Variants in ENAH observed in about 807,000 individuals in gnomAD.
ENAH encodes the protein protein enabled homolog.
A neutral mutation model predicts 78.7 loss-of-function variants in ENAH; 23 were observed. The ratio of observed to expected loss-of-function variants is 0.29; its 90% CI spans 0.21 to 0.41. The LOEUF is 0.41. Ranked by LOEUF, ENAH falls within the 10% of genes least tolerant of loss-of-function variation. ENAH has a pLI of 1.00. For synonymous variants in ENAH, 226 were observed against 241.0 expected (o/e 0.94, Z 0.58); for missense variants, 544 against 691.0 (o/e 0.79, Z 2.39).
chr1:225,555,469 C>T (rs1342345332), intron 2 of ENAH, among the ~76,000 whole-genome samples: 3 of 151,800 alleles, frequency 2.0e-5, no homozygotes, highest in African/African-American at 7.3e-5. Context: ...GTAGTCCCAG[C>T]TACTCGGGAG....
At chr1:225,501,626 A>G (rs1424031176) in intron 11 of ENAH, among the ~76,000 whole-genome samples, 1 of 152,250 alleles carries the variant, frequency 6.6e-6, no homozygotes, top group Admixed American at 6.5e-5. Context: ...TTCAAGCATC[A>G]AAATAAAAAA....
intron 3 of ENAH, among the ~76,000 whole-genome samples, chr1:225,536,856 C>A (rs988869796): frequency 6.6e-6 from 1 of 151,846 alleles, no homozygotes; most frequent in Admixed American, 6.6e-5. Context: ...ACCACCCAAT[C>A]TATTAAAGTT....
chr1:225,491,485 A>AT lies in ENAH; in HGVS notation c.*6289_*6290insA, dbSNP rs1029241994. The AT allele has an allele frequency of 6.6e-6, 1 of 151,704 alleles. No individual in the cohort carries two copies. 9.4% of individuals were successfully genotyped at this position (151,704 alleles called of 1,614,324 possible). Reference sequence around the variant, plus strand: ...AAAATGCCTTTAATCTTTAAAAAAAAAAATAAAAGAAAAAGAAAAAAAGAA... The same window carrying AT: ...AAAATGCCTTTAATCTTTAAAAAAAATAAATAAAAGAAAAAGAAAAAAAGAA... On this transcript the variant is annotated 3_prime_UTR_variant, in exon 14 of 14. Coordinates refer to ENST00000366843, the MANE Select transcript of ENAH (RefSeq NM_018212.6).
intron 6 of ENAH, chr1:225,515,146 CTAAT>C (rs2096407786): frequency 2.3e-6 from 1 of 427,700 alleles, no homozygotes; most frequent in Admixed American, 4.4e-5. Flanking sequence ...AACAGATCAT[CTAAT>C]TAAGACTTTT....
chr1:225,590,143 T>A (rs1428562933), intron 1 of ENAH, among the ~76,000 whole-genome samples: 7 of 144,356 alleles, frequency 4.8e-5, no homozygotes, highest in African/African-American at 1.8e-4. Context: ...CACCAAGGTT[T>A]AAACACAGAT....
At chr1:225,652,649 A>G in intron 1 of ENAH, 37 bp downstream of exon 1, 1 of 1,265,960 alleles carries the variant, frequency 7.9e-7, no homozygotes, top group Non-Finnish European at 9.9e-7. Context: ...CCCGCGGCAC[A>G]ATGGCCCGCC....
At chr1:225,616,695 A>C (rs974806040) in intron 1 of ENAH, among the ~76,000 whole-genome samples, 9 of 152,220 alleles carry the variant, frequency 5.9e-5, no homozygotes, top group Non-Finnish European at 1.2e-4. Context: ...TACAAAGTCA[A>C]TCTAAATATC....
At chr1:225,510,102 T>C (rs1185394380) in intron 10 of ENAH, among the ~76,000 whole-genome samples, 2 of 152,220 alleles carry the variant, frequency 1.3e-5, no homozygotes, top group Admixed American at 6.5e-5. Context: ...GCTTAGGACC[T>C]GTACCTTTCA....
chr1:225,493,895 G>A lies in ENAH; in HGVS notation c.*3880C>T, dbSNP rs1365053221. ...ATTAAAAGGCCAATTCTTCACAATG[G>A]CACTGAAAGTATATATAAATTTACA... On this transcript the variant is annotated 3_prime_UTR_variant, in exon 14 of 14. Coordinates refer to ENST00000366843, the MANE Select transcript of ENAH (RefSeq NM_018212.6). 3.3e-5 allele frequency: 5 copies of A among 151,930 alleles called. No individual in the cohort carries two copies. The highest frequency in any genetic ancestry group is 1.2e-4 in the African/African-American group (5 of 41,372). 9.4% of individuals were successfully genotyped at this position (151,930 alleles called of 1,614,324 possible).
At chr1:225,572,732 A>T (rs572796418) in intron 1 of ENAH, among the ~76,000 whole-genome samples, 31 of 152,344 alleles carry the variant, frequency 2.0e-4, no homozygotes, top group African/African-American at 7.5e-4. Flanking sequence ...TGAGTCAGTG[A>T]AGCGACTACG....
chr1:225,636,831 GTTTT>G (rs917037498), intron 1 of ENAH, among the ~76,000 whole-genome samples: 82 of 152,110 alleles, frequency 5.4e-4, no homozygotes, highest in South Asian at 8.3e-4. Flanking sequence ...TTTATACTCC[GTTTT>G]TTTAAGGGAA....
At chr1:225,561,065 C>A (rs2096702197) in intron 2 of ENAH, among the ~76,000 whole-genome samples, 1 of 151,672 alleles carries the variant, frequency 6.6e-6, no homozygotes, top group South Asian at 2.1e-4. Flanking sequence ...GAAACCCTGT[C>A]TCTACTGAAA....
At chr1:225,533,805 C>T (rs763509585) in intron 3 of ENAH, among the ~76,000 whole-genome samples, 1 of 152,124 alleles carries the variant, frequency 6.6e-6, no homozygotes, top group Non-Finnish European at 1.5e-5. Flanking sequence ...CTTACTGTCA[C>T]ATTTTAATTT....
intron 1 of ENAH, among the ~76,000 whole-genome samples, chr1:225,589,350 T>TAAATACTGA (rs1455644033): frequency 1.3e-5 from 2 of 152,218 alleles, no homozygotes; most frequent in East Asian, 3.8e-4. Context: ...GGTAACGATA[T>TAAATACTGA]AAATACTGAC....
At chr1:225,627,826 G>T (rs1658229149) in intron 1 of ENAH, among the ~76,000 whole-genome samples, 1 of 152,168 alleles carries the variant, frequency 6.6e-6, no homozygotes, top group African/African-American at 2.4e-5. Flanking sequence ...CCCAGTGGTG[G>T]AGTGGAGAAG....
chr1:225,633,039 CTTTT>C (rs3050270), intron 1 of ENAH, among the ~76,000 whole-genome samples: 1 of 141,872 alleles, frequency 7.0e-6, no homozygotes, highest in Non-Finnish European at 1.5e-5. Flanking sequence ...CACTCAAAGT[CTTTT>C]TTTTTTTTTT....
At chr1:225,628,838 G>A (rs1350742830) in intron 1 of ENAH, among the ~76,000 whole-genome samples, 18 of 151,472 alleles carry the variant, frequency 1.2e-4, no homozygotes, top group Admixed American at 4.6e-4. Context: ...CCTGGGAGGC[G>A]GAGGTTGTGG....
At chr1:225,518,287 TTTTA>T (rs1280890452) in intron 5 of ENAH, among the ~76,000 whole-genome samples, 2 of 152,342 alleles carry the variant, frequency 1.3e-5, no homozygotes, top group African/African-American at 2.4e-5. Flanking sequence ...TAGTCTTAAT[TTTTA>T]TTTAGTCTAC....
chr1:225,507,575 GTAGATATT>G (rs1398289132), intron 11 of ENAH, among the ~76,000 whole-genome samples: 5 of 152,080 alleles, frequency 3.3e-5, no homozygotes, highest in Non-Finnish European at 1.5e-5. Flanking sequence ...GTGTGGATAG[GTAGATATT>G]TAAGACAAGT....
Sources: allele counts gnomAD v4.1 joint callset (sites outside exome capture counted in the v4.1 genomes callset), GRCh38; gene constraint gnomAD v4.1.1; transcripts MANE v1.5; gene names NCBI Gene and HGNC (gene_info 2026-07-23, HGNC 2026-07-21).